Variants in ANKRD44 observed in about 807,000 individuals in gnomAD.
The protein encoded by ANKRD44 is ankyrin repeat domain 44.
In ANKRD44, 35 loss-of-function variants were observed where a neutral mutation model predicts 116.0. The ratio of observed to expected loss-of-function variants is 0.30; its 90% CI spans 0.23 to 0.40. The LOEUF is 0.40. Among genes scored for constraint, ANKRD44 ranks in the 10% least tolerant of loss-of-function variants. The probability of loss-of-function intolerance (pLI) is 1.00; values close to 1 mark genes in which losing one functional copy is unlikely to be tolerated. For synonymous variants in ANKRD44, 435 were observed against 461.8 expected, an observed-to-expected ratio of 0.94 and a Z score of 0.74; for missense variants, 1,014 against 1,242.6, an observed-to-expected ratio of 0.82 and a Z score of 2.77.
At chr2:197,249,956 G>A (rs1275527529) in intron 1 of ANKRD44, among the ~76,000 whole-genome samples, 2 of 152,184 alleles carry the variant, frequency 1.3e-5, no homozygotes, top group Non-Finnish European at 2.9e-5. Context: ...TCTTTGTGGT[G>A]GCATAATTTT....
chr2:197,047,121 C>T (rs1426564891), intron 16 of ANKRD44, among the ~76,000 whole-genome samples: 10 of 151,874 alleles, frequency 6.6e-5, no homozygotes. Flanking sequence ...TGGGTTCAAG[C>T]GATTCTCCTG....
At chr2:197,141,817 C>G (rs2079374810) in intron 3 of ANKRD44, among the ~76,000 whole-genome samples, 1 of 152,200 alleles carries the variant, frequency 6.6e-6, no homozygotes, top group Non-Finnish European at 1.5e-5. Context: ...TCTCTTGCTG[C>G]CAGCTTCCTC....
chr2:197,022,084 A>G (rs1449959140), intron 17 of ANKRD44, among the ~76,000 whole-genome samples: 1 of 152,334 alleles, frequency 6.6e-6, no homozygotes, highest in South Asian at 2.1e-4. Flanking sequence ...TTCTTGTAGC[A>G]GTCAAGGTTT....
intron 1 of ANKRD44, among the ~76,000 whole-genome samples, chr2:197,300,758 C>CTTTTTT (rs112803787): frequency 2.4e-5 from 3 of 122,742 alleles, no homozygotes; most frequent in South Asian, 2.5e-4. Context: ...TTTCATTTTC[C>CTTTTTT]TTTTTTTTTT....
intron 1 of ANKRD44, among the ~76,000 whole-genome samples, chr2:197,216,933 C>T (rs2081459932): frequency 6.8e-6 from 1 of 147,960 alleles, no homozygotes; most frequent in Admixed American, 6.7e-5. Flanking sequence ...AAAATCACTC[C>T]TCTGGGGGAA....
chr2:196,995,596 A>G (rs1009092013), intron 25 of ANKRD44, 135 bp from the exon 26 acceptor site: 2 of 623,074 alleles, frequency 3.2e-6, no homozygotes, highest in Non-Finnish European at 5.3e-6. Context: ...TTTTCTGAGT[A>G]ATTTTTTTTC....
intron 21 of ANKRD44, among the ~76,000 whole-genome samples, chr2:196,975,787 CA>C (rs1298655216): frequency 8.7e-4 from 51 of 58,614 alleles, no homozygotes; most frequent in Non-Finnish European, 1.0e-3. Flanking sequence ...GTCTCTGTCT[CA>C]AAAAAAAAAA....
chr2:197,256,558 G>GA (rs898912624), intron 1 of ANKRD44, among the ~76,000 whole-genome samples: 11 of 151,906 alleles, frequency 7.2e-5, no homozygotes, highest in East Asian at 1.9e-4. Context: ...AGATGAACAG[G>GA]AAAAAAAATA....
At chr2:197,092,011 G>A (rs1025589816) in intron 10 of ANKRD44, among the ~76,000 whole-genome samples, 2 of 152,184 alleles carry the variant, frequency 1.3e-5, no homozygotes, top group Non-Finnish European at 1.5e-5. Flanking sequence ...GACGTCTTCT[G>A]TCGGCAGCAC....
intron 16 of ANKRD44, among the ~76,000 whole-genome samples, chr2:197,068,387 T>TAAAAAAA (rs768350471): frequency 1.5e-5 from 1 of 66,908 alleles, no homozygotes; most frequent in Admixed American, 1.8e-4. Flanking sequence ...AAGAAAAAAA[T>TAAAAAAA]AAAAAAAAAA....
chr2:196,995,202 C>A, intron 26 of ANKRD44, 177 bp downstream of exon 26: 1 of 384,418 alleles, frequency 2.6e-6, no homozygotes, highest in Non-Finnish European at 4.7e-6. Flanking sequence ...CTAAAACTGC[C>A]CAGCTTGGTC....
intron 7 of ANKRD44, among the ~76,000 whole-genome samples, chr2:197,122,183 T>C (rs951995019): frequency 6.6e-6 from 1 of 152,152 alleles, no homozygotes; most frequent in Non-Finnish European, 1.5e-5. Context: ...TTTTCCTTTC[T>C]TGGGGGACAG....
Position 197,020,816 on chromosome 2 carries a change from T to TATATAA in ANKRD44, c.1722+4379_1722+4380insTTATAT, listed in dbSNP as rs1427235259. Among the ~76,000 whole-genome samples the TATATAA allele has an allele frequency of 8.4e-3, 1,275 of 151,252 alleles. 15 individuals are homozygous for TATATAA. The highest frequency in any genetic ancestry group is 0.03 in the African/African-American group (1,198 of 40,578). ...TATATGGAGTTTTTTATTATTATTA[T>TATATAA]ACTTTAAGTTCTAGGGTACATGTGC... On this transcript the variant is annotated intron_variant, in intron 17 of 27. Transcript: ENST00000282272.
At chr2:197,217,001 G>A (rs1017596869) in intron 1 of ANKRD44, among the ~76,000 whole-genome samples, 6 of 152,002 alleles carry the variant, frequency 3.9e-5, no homozygotes, top group African/African-American at 1.4e-4. Flanking sequence ...TGGCTGATCT[G>A]CAAAAGCTCC....
At chr2:197,092,652 A>G (rs553155807) in intron 10 of ANKRD44, among the ~76,000 whole-genome samples, 1 of 152,298 alleles carries the variant, frequency 6.6e-6, no homozygotes, top group African/African-American at 2.4e-5. Context: ...CAATTTGCTC[A>G]TCTTCCAGGC....
intron 1 of ANKRD44, among the ~76,000 whole-genome samples, chr2:197,218,227 A>G (rs1293990056): frequency 6.6e-6 from 1 of 152,162 alleles, no homozygotes; most frequent in Non-Finnish European, 1.5e-5. Context: ...GGAATGAAAG[A>G]TGTCTACTGA....
At chr2:197,213,272 T>C (rs755829854) in intron 1 of ANKRD44, among the ~76,000 whole-genome samples, 1 of 152,238 alleles carries the variant, frequency 6.6e-6, no homozygotes, top group Non-Finnish European at 1.5e-5. Flanking sequence ...TACATCTTGT[T>C]ACACAAGCGG....
intron 9 of ANKRD44, among the ~76,000 whole-genome samples, chr2:197,108,728 C>T (rs1392845671): frequency 6.6e-6 from 1 of 152,144 alleles, no homozygotes; most frequent in Non-Finnish European, 1.5e-5. Context: ...GTCCCAGCTA[C>T]TTGGGAGGCT....
intron 1 of ANKRD44, among the ~76,000 whole-genome samples, chr2:197,214,569 G>A (rs1356891601): frequency 6.6e-6 from 1 of 152,120 alleles, no homozygotes; most frequent in African/African-American, 2.4e-5. Context: ...TAGATTACAA[G>A]TTATTTTCTC....
Sources: allele counts gnomAD v4.1 joint callset (sites outside exome capture counted in the v4.1 genomes callset), GRCh38; gene constraint gnomAD v4.1.1; transcripts MANE v1.5; gene names NCBI Gene and HGNC (gene_info 2026-07-23, HGNC 2026-07-21).